FCRL5: variants seen among roughly 807,000 people sequenced by gnomAD.
FCRL5 encodes the protein Fc receptor like 5.
A neutral mutation model predicts 92.1 loss-of-function variants in FCRL5; 79 were observed. The ratio of observed to expected loss-of-function variants is 0.86; its 90% CI spans 0.72 to 1.03. FCRL5 has a LOEUF of 1.03. FCRL5 is among the 50% of genes least tolerant of loss of function. The probability of loss-of-function intolerance (pLI) is 0.00; values close to 1 mark genes in which losing one functional copy is unlikely to be tolerated. For synonymous variants in FCRL5, 466 were observed against 469.3 expected, an observed-to-expected ratio of 0.99 and a Z score of 0.09; for missense variants, 1,160 against 1,181.1, an observed-to-expected ratio of 0.98 and a Z score of 0.26.
chr1:157,524,457 G>T lies in FCRL5; in HGVS notation c.2061C>A (p.Ser687=). 6.2e-7 allele frequency: 1 copy of T among 1,614,240 alleles called. No individual in the cohort carries two copies. Among genetic ancestry groups the T allele is most frequent in the Non-Finnish European group, 8.5e-7 (1 of 1,180,042 alleles). Reference sequence around the variant, plus strand: ...CATGATAAAACCAGTACAGGATTGGGGAGGAGCCTCTCAGGGCCTCACAGT... The same window carrying T: ...CATGATAAAACCAGTACAGGATTGGTGAGGAGCCTCTCAGGGCCTCACAGT... ...ELHCEALRGS[S]PILYWFYHED... is the part of the protein sequence containing the mutation. The change falls in exon 10 of 17, where the codon TCC becomes TCA. Residue 687 remains serine, a synonymous_variant. Coordinates refer to ENST00000361835, the MANE Select transcript of FCRL5 (RefSeq NM_031281.3).
In FCRL5 at chr1:157,524,550, T is replaced by C; in HGVS notation, c.1968A>G (p.Val656=). The change falls in exon 10 of 17, where the codon GTA becomes GTG. Residue 656 remains valine, a synonymous_variant. Coordinates refer to ENST00000361835, the MANE Select transcript of FCRL5 (RefSeq NM_031281.3). ...CCCTGAAGGTGAGGATGGGACGAGA[T>C]ACTGGAACTGAGGGAGGAAAAACGT... ...DTISLSVIVP[V]SRPILTFRAP... The C allele has an allele frequency of 6.3e-7, 1 of 1,588,558 alleles. No individual in the cohort carries two copies. Among genetic ancestry groups the C allele is most frequent in the African/African-American group, 1.4e-5 (1 of 72,510 alleles).
At chr1:157,530,804 T>C (rs1022823927) in intron 8 of FCRL5, among the ~76,000 whole-genome samples, 37 of 152,286 alleles carry the variant, frequency 2.4e-4, no homozygotes, top group African/African-American at 8.7e-4. Flanking sequence ...TCTGTAGATA[T>C]ATTTTTGTAT....
At chr1:157,523,357 C>T (rs1423177528) in intron 10 of FCRL5, among the ~76,000 whole-genome samples, 1 of 152,190 alleles carries the variant, frequency 6.6e-6, no homozygotes, top group South Asian at 2.1e-4. Flanking sequence ...TCCCTGTCTA[C>T]CAAAATCATA....
intron 3 of FCRL5, 97 bp from the exon 4 acceptor site, chr1:157,545,179 G>C: frequency 7.4e-7 from 1 of 1,343,676 alleles, no homozygotes; most frequent in East Asian, 2.4e-5. Context: ...AAAATGGGTT[G>C]GGAAAAAGAA....
intron 15 of FCRL5, chr1:157,516,135 T>A: frequency 1.7e-6 from 1 of 586,572 alleles, no homozygotes; most frequent in Non-Finnish European, 3.0e-6. Context: ...CAAGAGAAAG[T>A]CATTTGTCTT....
At chr1:157,524,656 A>G in intron 9 of FCRL5, 99 bp from the exon 10 acceptor site, 1 of 1,336,484 alleles carries the variant, frequency 7.5e-7, no homozygotes. Flanking sequence ...CTCAGTTTTT[A>G]ATGCCCTTGT....
intron 8 of FCRL5, among the ~76,000 whole-genome samples, chr1:157,529,855 G>A (rs1650608385): frequency 6.6e-6 from 1 of 152,158 alleles, no homozygotes; most frequent in African/African-American, 2.4e-5. Context: ...ACTACACACT[G>A]GGTTCAGTGT....
chr1:157,518,055 G>T (rs947177048), intron 15 of FCRL5, among the ~76,000 whole-genome samples: 29 of 152,130 alleles, frequency 1.9e-4, no homozygotes, highest in African/African-American at 7.0e-4. Flanking sequence ...AGAATTGTGA[G>T]AAATAGATAT....
In FCRL5 at chr1:157,542,866, T is replaced by G. The variant is rs1651333636; in HGVS notation, c.1116A>C (p.Ser372=). 6.2e-7 allele frequency: 1 copy of G among 1,611,638 alleles called. No individual in the cohort carries two copies. The highest frequency in any genetic ancestry group is 1.3e-5 in the African/African-American group (1 of 74,880). ...GAKPSKAVSL[S]VTVPVSHPVL... ...CAGGAATGCAGGGCTTACCAGTGAC[T>G]GAGAGGCTCACAGCCTTACTGGGCT... The change falls in exon 6 of 17, where the codon TCA becomes TCC. Residue 372 remains serine (S), a synonymous_variant. Coordinates refer to ENST00000361835, the MANE Select transcript of FCRL5 (RefSeq NM_031281.3).
At chr1:157,524,710 A>C (rs943040290) in intron 9 of FCRL5, among the ~76,000 whole-genome samples, 153 bp from the exon 10 acceptor site, 2 of 152,272 alleles carry the variant, frequency 1.3e-5, no homozygotes, top group African/African-American at 4.8e-5. Flanking sequence ...CTCCAGAAAG[A>C]ACAACATTTG....
Position 157,534,764 on chromosome 1 carries a change from C to A in FCRL5, c.1531G>T (p.Asp511Tyr). The A allele has an allele frequency of 6.2e-7, 1 of 1,614,096 alleles. No homozygotes were observed. The highest frequency in any genetic ancestry group is 8.5e-7 in the Non-Finnish European group (1 of 1,180,006). ...GTTGAGCTGCTCCACAGGGGCATGT[C>A]CTCATGATAAAACTGGTATAGGATT... ...PQILYQFYHEDMPLWSSSTPS... is the reference protein window; with the variant it reads ...PQILYQFYHEYMPLWSSSTPS... The change falls in exon 8 of 17, where the codon GAC becomes TAC. Residue 511 changes from aspartate to tyrosine, a missense_variant. By Grantham distance (160) the Asp-to-Tyr change is radical. Transcript: ENST00000361835.
intron 13 of FCRL5, among the ~76,000 whole-genome samples, 184 bp downstream of exon 13, chr1:157,519,559 G>A (rs762567156): frequency 6.6e-6 from 1 of 152,152 alleles, no homozygotes; most frequent in Non-Finnish European, 1.5e-5. Flanking sequence ...CAGCTAAGGG[G>A]GTGGGTGCAA....
intron 15 of FCRL5, among the ~76,000 whole-genome samples, chr1:157,517,086 A>G (rs552311459): frequency 6.6e-6 from 1 of 152,338 alleles, no homozygotes; most frequent in East Asian, 1.9e-4. Context: ...AAGCAGAGGT[A>G]GAAAGAAAAG....
intron 3 of FCRL5, chr1:157,546,319 G>A (rs541398227): frequency 2.3e-6 from 1 of 435,456 alleles, no homozygotes; most frequent in South Asian, 1.7e-5. Context: ...GTGATGGCGG[G>A]CTCTTGTAGT....
intron 3 of FCRL5, among the ~76,000 whole-genome samples, chr1:157,545,499 C>A (rs1288585778): frequency 1.4e-5 from 2 of 146,810 alleles, no homozygotes; most frequent in African/African-American, 5.0e-5. Context: ...CCTTCACTGG[C>A]AGTAATGTAA....
chr1:157,552,354 C>T lies in FCRL5; in HGVS notation c.9G>A (p.Leu3=), dbSNP rs773962588. 1.2e-6 allele frequency: 2 copies of T among 1,614,138 alleles called. No individual in the cohort carries two copies. Among genetic ancestry groups the T allele is most frequent in the East Asian group, 2.2e-5 (1 of 44,870 alleles). Residue 3 remains leucine (L), a synonymous_variant, in exon 1 of 17, where the codon CTG becomes CTA. Transcript: ENST00000361835. ML[L]WVILLVLAPV... ...CACCCAGGACCAGTAATATCACCCA[C>T]AGCAGCATGAAGACCTGGACCACCA... is the stretch of plus-strand genomic sequence containing the variant.
At position 157,534,797 on chromosome 1, in the gene FCRL5, A is replaced by G; in HGVS notation, c.1498T>C (p.Ser500Pro). 6.2e-7 allele frequency: 1 copy of G among 1,613,018 alleles called. No individual in the cohort carries two copies. Among genetic ancestry groups the G allele is most frequent in the Non-Finnish European group, 8.5e-7 (1 of 1,179,444 alleles). ...VTLHCEVQRG[S>P]PQILYQFYHE... is the part of the protein sequence containing the mutation. ...TAAAACTGGTATAGGATTTGTGGGG[A>G]ACCTCTCTGGACTTCACAGTGAAGT... The change falls in exon 8 of 17, where the codon TCC becomes CCC. Residue 500 changes from serine (S) to proline (P), a missense_variant. By Grantham distance (74) the Ser-to-Pro change is moderately conservative. Coordinates refer to ENST00000361835, the MANE Select transcript of FCRL5 (RefSeq NM_031281.3).
chr1:157,522,753 A>C (rs557711548), intron 10 of FCRL5: 1 of 152,378 alleles, frequency 6.6e-6, no homozygotes, highest in Non-Finnish European at 1.5e-5. Context: ...CAGCAGCAGA[A>C]ATAACATGCA....
rs370067894 is a variant in FCRL5, at chr1:157,546,936, C to T, written c.307+7G>A. The T allele has an allele frequency of 6.8e-6, 11 of 1,610,672 alleles. No homozygotes were observed. The highest frequency in any genetic ancestry group is 6.7e-5 in the African/African-American group (5 of 74,714). ...CTAAAGTTGGTGCGTCTTTCACGCT[C>T]TCTCACCTGAAGAAAAATCCAAGTG... On this transcript the variant is annotated splice_region_variant and intron_variant, in intron 3 of 16. Transcript: ENST00000361835.
Sources: gnomAD v4.1 joint callset for allele counts (sites outside exome capture counted in the v4.1 genomes callset) on GRCh38, gnomAD v4.1.1 for gene constraint, MANE v1.5 for transcripts, NCBI Gene and HGNC (gene_info 2026-07-23, HGNC 2026-07-21) for gene names.